GNA14: variants seen among roughly 807,000 people sequenced by gnomAD.
GNA14 encodes the protein guanine nucleotide-binding protein subunit alpha-14.
Under a neutral mutation model 42.0 loss-of-function variants are expected in GNA14, and 50 were observed. The observed-to-expected ratio is 1.19, with a 90% confidence interval of 0.95 to 1.51. The LOEUF is 1.51. Among genes scored for constraint, GNA14 ranks in the 40% most tolerant of loss-of-function variants. The pLI is 0.00. For synonymous variants in GNA14, 173 were observed against 163.1 expected (o/e 1.06, Z -0.46); for missense variants, 473 against 446.2 (o/e 1.06, Z -0.54).
At chr9:77,443,225 T>G in intron 2 of GNA14, among the ~76,000 whole-genome samples, 1 of 152,242 alleles carries the variant, frequency 6.6e-6, no homozygotes, top group East Asian at 1.9e-4. Context: ...GCATTCAAAA[T>G]AACTGTAGAA....
At position 77,546,761 on chromosome 9, in the gene GNA14, C is replaced by T. The variant is rs571861038; in HGVS notation, c.125-17508G>A. On this transcript the variant is annotated intron_variant, in intron 1 of 6. Transcript: ENST00000341700. ...CAAGGGGCAACCTAATGATTCATGACGAGTAATCACCTCCAGCCCCACTCA... is the reference window on the plus strand; with the variant it reads ...CAAGGGGCAACCTAATGATTCATGATGAGTAATCACCTCCAGCCCCACTCA... Among the ~76,000 whole-genome samples the T allele has an allele frequency of 1.2e-3, 176 of 152,258 alleles. 1 individual carries two copies. The highest frequency in any genetic ancestry group is 2.0e-3 in the Non-Finnish European group (136 of 68,018).
At chr9:77,530,411 T>C (rs995869470) in intron 1 of GNA14, among the ~76,000 whole-genome samples, 2 of 152,184 alleles carry the variant, frequency 1.3e-5, no homozygotes, top group Non-Finnish European at 2.9e-5. Context: ...GCCGAGCAGA[T>C]GTCAGCATCA....
intron 2 of GNA14, among the ~76,000 whole-genome samples, chr9:77,505,388 G>A (rs764315083): frequency 5.9e-5 from 9 of 152,026 alleles, no homozygotes; most frequent in East Asian, 1.9e-4. Flanking sequence ...CTCCCTTCCC[G>A]GTTACACTTT....
intron 4 of GNA14, among the ~76,000 whole-genome samples, chr9:77,429,748 C>T (rs1459405010): frequency 2.0e-5 from 3 of 152,238 alleles, no homozygotes; most frequent in Non-Finnish European, 4.4e-5. Flanking sequence ...TACCTGCAGC[C>T]AAGCTCTGCA....
At chr9:77,494,640 T>G (rs1836841604) in intron 2 of GNA14, among the ~76,000 whole-genome samples, 1 of 152,198 alleles carries the variant, frequency 6.6e-6, no homozygotes, top group South Asian at 2.1e-4. Context: ...GAGGAATACA[T>G]CTTGGGAAAT....
intron 2 of GNA14, among the ~76,000 whole-genome samples, chr9:77,435,436 T>C (rs896471573): frequency 2.0e-5 from 3 of 152,138 alleles, no homozygotes; most frequent in Non-Finnish European, 4.4e-5. Flanking sequence ...GTAGGGCAAG[T>C]ACAGCGCATT....
chr9:77,441,089 T>C (rs1245642851), intron 2 of GNA14, among the ~76,000 whole-genome samples: 4 of 152,212 alleles, frequency 2.6e-5, no homozygotes, highest in Non-Finnish European at 1.5e-5. Flanking sequence ...TTGAGCAAAT[T>C]GCTCCTGTCT....
intron 1 of GNA14, among the ~76,000 whole-genome samples, chr9:77,548,246 T>C (rs2131780122): frequency 6.6e-6 from 1 of 152,300 alleles, no homozygotes; most frequent in East Asian, 1.9e-4. Context: ...GCAGTGTAAC[T>C]CCAACCTGTG....
intron 1 of GNA14, among the ~76,000 whole-genome samples, chr9:77,631,372 G>A (rs1824097645): frequency 6.6e-6 from 1 of 151,558 alleles, no homozygotes; most frequent in Admixed American, 6.6e-5. Flanking sequence ...ATTTAGCTGG[G>A]TATCCATGTG....
intron 2 of GNA14, among the ~76,000 whole-genome samples, chr9:77,524,464 AGAT>A (rs1837403781): frequency 6.6e-6 from 1 of 152,228 alleles, no homozygotes; most frequent in Non-Finnish European, 1.5e-5. Flanking sequence ...AAAAAACAGC[AGAT>A]AATAGAGAAA....
At chr9:77,511,570 C>T (rs149949016) in intron 2 of GNA14, among the ~76,000 whole-genome samples, 5 of 152,160 alleles carry the variant, frequency 3.3e-5, no homozygotes, top group African/African-American at 1.2e-4. Flanking sequence ...ATGAGCAAAT[C>T]TGGGAGTCTG....
intron 2 of GNA14, among the ~76,000 whole-genome samples, chr9:77,500,342 A>G (rs1836946089): frequency 6.6e-6 from 1 of 152,128 alleles, no homozygotes. Flanking sequence ...TTGGGAATGA[A>G]CTTACCTAGG....
intron 2 of GNA14, among the ~76,000 whole-genome samples, chr9:77,474,561 C>A (rs527295642): frequency 1.3e-5 from 2 of 152,296 alleles, no homozygotes. Flanking sequence ...ACTATAAAAT[C>A]ATGTGGCCAC....
At chr9:77,630,635 C>T (rs867565446) in intron 1 of GNA14, among the ~76,000 whole-genome samples, 4 of 152,140 alleles carry the variant, frequency 2.6e-5, no homozygotes, top group African/African-American at 9.7e-5. Context: ...GATTAAGAAA[C>T]ATCCCTTTAA....
chr9:77,581,002 G>GGGCACACA (rs1294152240), intron 1 of GNA14, among the ~76,000 whole-genome samples: 3 of 144,280 alleles, frequency 2.1e-5, no homozygotes, highest in Non-Finnish European at 3.1e-5. Flanking sequence ...TACAATAAAG[G>GGGCACACA]CACACACACA....
chr9:77,576,036 T>C (rs533541566), intron 1 of GNA14, among the ~76,000 whole-genome samples: 2 of 152,352 alleles, frequency 1.3e-5, no homozygotes, highest in African/African-American at 4.8e-5. Context: ...TTAGTAACCA[T>C]GGTGAGCATT....
At chr9:77,619,715 G>A (rs1164294718) in intron 1 of GNA14, among the ~76,000 whole-genome samples, 1 of 152,166 alleles carries the variant, frequency 6.6e-6, no homozygotes, top group African/African-American at 2.4e-5. Flanking sequence ...TCAGAATGGT[G>A]TCTGGCCTAT....
intron 2 of GNA14, among the ~76,000 whole-genome samples, chr9:77,504,660 CTTTTTTTTTTT>C (rs34631344): frequency 2.6e-5 from 2 of 76,202 alleles, no homozygotes; most frequent in Non-Finnish European, 4.8e-5. Context: ...GTCTGGCCGA[CTTTTTTTTTTT>C]TTTTTTTTTT....
chr9:77,527,894 CA>C (rs1564043862), intron 2 of GNA14, among the ~76,000 whole-genome samples: 1 of 152,182 alleles, frequency 6.6e-6, no homozygotes, highest in African/African-American at 2.4e-5. Context: ...CTTGGCCTCC[CA>C]AAGTGCTGGG....
Sources: allele counts gnomAD v4.1 joint callset (sites outside exome capture counted in the v4.1 genomes callset), GRCh38; gene constraint gnomAD v4.1.1; transcripts MANE v1.5; gene names NCBI Gene and HGNC (gene_info 2026-07-23, HGNC 2026-07-21).